The following XXYLT1 variants were observed in gnomAD, a reference collection of about 807,000 sequenced individuals.
XXYLT1 encodes UDP-xylose:alpha-xyloside alpha-1,3-xylosyltransferase.
A neutral mutation model predicts 28.9 loss-of-function variants in XXYLT1; 20 were observed. The observed-to-expected ratio is 0.69, with a 90% CI of 0.49 to 1.00. The LOEUF is 1.00. Among genes scored for constraint, XXYLT1 ranks in the 50% least tolerant of loss-of-function variants. The probability of loss-of-function intolerance (pLI) is 0.00; values close to 1 mark genes in which losing one functional copy is unlikely to be tolerated. For missense variants in XXYLT1, 542 were observed against 560.1 expected (o/e 0.97, Z 0.33); for synonymous variants, 257 against 253.8 (o/e 1.01, Z -0.12).
intron 1 of XXYLT1, among the ~76,000 whole-genome samples, chr3:195,241,443 C>T (rs145502149): frequency 2.8e-4 from 43 of 152,272 alleles, no homozygotes; most frequent in African/African-American, 9.9e-4. Context: ...AGCTACACTA[C>T]CTATTGATCT....
chr3:195,072,389 C>G (rs778195595), intron 3 of XXYLT1, among the ~76,000 whole-genome samples: 12 of 152,290 alleles, frequency 7.9e-5, no homozygotes, highest in Middle Eastern at 6.8e-3. Flanking sequence ...GGTATCCTTA[C>G]CAACCTCGGC....
Position 195,261,252 on chromosome 3 carries a change from G to A in XXYLT1, c.504+9303C>T, listed in dbSNP as rs1385504826. 2.0e-5 allele frequency among the ~76,000 whole-genome samples: 3 copies of A among 152,206 alleles called. No homozygotes were observed. The East Asian group carries it at 5.8e-4, about 29-fold the overall frequency. On this transcript the variant is annotated intron_variant, in intron 1 of 3. Coordinates refer to ENST00000310380, the MANE Select transcript of XXYLT1 (RefSeq NM_152531.5). ...GTTCGAGCCCAGCCTGGCCAACATG[G>A]TGAAACCCTGTCTCTACTAAAAATA... is the stretch of plus-strand genomic sequence containing the variant.
At chr3:195,204,470 TCTCTCAC>T (rs1722986424) in intron 2 of XXYLT1, among the ~76,000 whole-genome samples, 2 of 139,364 alleles carry the variant, frequency 1.4e-5, no homozygotes, top group East Asian at 4.8e-4. Context: ...ACACACTCAC[TCTCTCAC>T]TCTCTCTCTC....
chr3:195,188,893 A>G (rs1722309905), intron 2 of XXYLT1, among the ~76,000 whole-genome samples: 1 of 152,264 alleles, frequency 6.6e-6, no homozygotes, highest in African/African-American at 2.4e-5. Flanking sequence ...GTGCAGCCTC[A>G]TACAGTAACA....
chr3:195,268,115 C>A (rs1054552598), intron 1 of XXYLT1, among the ~76,000 whole-genome samples: 4 of 151,832 alleles, frequency 2.6e-5, no homozygotes, highest in Admixed American at 2.6e-4. Context: ...AGCAAGAATT[C>A]TTATCAAAAA....
chr3:195,213,544 G>A (rs937406024), intron 2 of XXYLT1, among the ~76,000 whole-genome samples: 3 of 152,156 alleles, frequency 2.0e-5, no homozygotes, highest in South Asian at 2.1e-4. Flanking sequence ...GATTACAGGC[G>A]TGAGCCACCA....
intron 3 of XXYLT1, 68 bp from the exon 4 acceptor site, chr3:195,070,179 G>C (rs1388391123): frequency 1.3e-6 from 2 of 1,493,452 alleles, no homozygotes; most frequent in Non-Finnish European, 1.8e-6. Flanking sequence ...GCTGCCCTGG[G>C]TCTTCACAGC....
chr3:195,253,222 A>G (rs1725342236), intron 1 of XXYLT1, among the ~76,000 whole-genome samples: 1 of 152,016 alleles, frequency 6.6e-6, no homozygotes, highest in Non-Finnish European at 1.5e-5. Flanking sequence ...GGGCAGTGAG[A>G]TTTCCCTCTC....
At chr3:195,084,544 T>C (rs952563042) in intron 3 of XXYLT1, among the ~76,000 whole-genome samples, 9 of 152,178 alleles carry the variant, frequency 5.9e-5, no homozygotes, top group Non-Finnish European at 1.3e-4. Context: ...CTCAGTGTAA[T>C]GTATTTCATG....
intron 3 of XXYLT1, among the ~76,000 whole-genome samples, chr3:195,087,834 G>A (rs990822197): frequency 2.2e-4 from 33 of 152,136 alleles, no homozygotes; most frequent in Admixed American, 1.1e-3. Flanking sequence ...CGCACCGTGC[G>A]CGAGCCGAAG....
chr3:195,163,311 C>A (rs1720964419), intron 2 of XXYLT1, among the ~76,000 whole-genome samples: 1 of 152,220 alleles, frequency 6.6e-6, no homozygotes, highest in Non-Finnish European at 1.5e-5. Context: ...ACCACTCTCT[C>A]CCTCTTGAGT....
At chr3:195,187,572 C>T (rs1409906990) in intron 2 of XXYLT1, among the ~76,000 whole-genome samples, 10 of 152,184 alleles carry the variant, frequency 6.6e-5, no homozygotes, top group African/African-American at 1.7e-4. Context: ...TTTACTGGAG[C>T]GACTGAAGAG....
chr3:195,122,746 C>T (rs1476141296), intron 3 of XXYLT1, among the ~76,000 whole-genome samples: 1 of 152,224 alleles, frequency 6.6e-6, no homozygotes, highest in African/African-American at 2.4e-5. Flanking sequence ...AAACTCCCCT[C>T]ACCACCCCAT....
intron 2 of XXYLT1, among the ~76,000 whole-genome samples, chr3:195,202,122 A>G (rs968575059): frequency 2.6e-5 from 4 of 152,162 alleles, no homozygotes; most frequent in African/African-American, 9.7e-5. Flanking sequence ...GGTTGCAGTG[A>G]GCCGAGATCG....
intron 1 of XXYLT1, among the ~76,000 whole-genome samples, chr3:195,268,211 C>T (rs12695049): frequency 0.49 from 74,602 of 151,776 alleles, 19,593 homozygotes; most frequent in Middle Eastern, 0.69. Context: ...GGGTGGATCA[C>T]CTGAGGTCAG....
chr3:195,180,594 C>T lies in XXYLT1; in HGVS notation c.653-24013G>A, dbSNP rs1343392859. On this transcript the variant is annotated intron_variant, in intron 2 of 3. Coordinates refer to ENST00000310380, the MANE Select transcript of XXYLT1 (RefSeq NM_152531.5). The surrounding 1 kb of genome is among the most constrained non-coding windows in gnomAD (Gnocchi z 5.8). ...AGGCCCTTCCCAGCCCTCTCCAGAG[C>T]GTGATGTGGCCCCGTCTGGCTAAGA... 5 of 978,794 alleles carry T rather than the reference C, an allele frequency of 5.1e-6. No homozygotes were observed. Among genetic ancestry groups the T allele is most frequent in the African/African-American group, 3.5e-5 (2 of 57,136 alleles). 60.6% of individuals were successfully genotyped at this position (978,794 alleles called of 1,614,324 possible).
intron 3 of XXYLT1, among the ~76,000 whole-genome samples, chr3:195,103,342 A>ATCACCCCACGCCAGCGG (rs1455468622): frequency 3.9e-4 from 19 of 48,132 alleles, no homozygotes; most frequent in Admixed American, 6.4e-4. Context: ...CACGCCAGCG[A>ATCACCCCACGCCAGCGG]CCTGCGTCCA....
intron 2 of XXYLT1, among the ~76,000 whole-genome samples, chr3:195,167,455 G>T (rs1257547906): frequency 6.6e-6 from 1 of 152,138 alleles, no homozygotes; most frequent in African/African-American, 2.4e-5. Flanking sequence ...GCCGGGAGTG[G>T]TGGTGGGCAC....
At chr3:195,107,098 G>A (rs887160872) in intron 3 of XXYLT1, among the ~76,000 whole-genome samples, 22 of 151,666 alleles carry the variant, frequency 1.5e-4, no homozygotes, top group Admixed American at 2.0e-4. Flanking sequence ...GAGAGCTCTC[G>A]TTTTGTTTTG....
Sources: gnomAD v4.1 joint callset for allele counts (sites outside exome capture counted in the v4.1 genomes callset) on GRCh38, gnomAD v4.1.1 for gene constraint, Gnocchi (gnomAD v3.1) non-coding constraint, MANE v1.5 for transcripts, NCBI Gene and HGNC (gene_info 2026-07-23, HGNC 2026-07-21) for gene names.